The following NT5C2 variants were observed in gnomAD, a reference collection of about 807,000 sequenced individuals.
The protein encoded by NT5C2 is cytosolic purine 5'-nucleotidase.
A neutral mutation model predicts 76.1 loss-of-function variants in NT5C2; 58 were observed. That is an observed-to-expected ratio of 0.76 (90% confidence interval 0.62 to 0.95). NT5C2 has a LOEUF of 0.95. Ranked by LOEUF, NT5C2 falls within the 40% of genes least tolerant of loss-of-function variation. The pLI, the probability that NT5C2 is intolerant of heterozygous loss-of-function variation, is 0.00. For missense variants in NT5C2, 478 were observed against 690.3 expected (o/e 0.69, Z 3.45); for synonymous variants, 229 against 237.4 (o/e 0.96, Z 0.32).
chr10:103,183,291 A>ATATATATATATTATATATATATCTATC (rs1554841794), intron 1 of NT5C2, among the ~76,000 whole-genome samples: 1 of 128,146 alleles, frequency 7.8e-6, no homozygotes, highest in Admixed American at 8.6e-5. Context: ...ATATATATAT[A>ATATATATATATTATATATATATCTATC]TATCACACAC....
intron 1 of NT5C2, among the ~76,000 whole-genome samples, chr10:103,185,398 C>A (rs2091883079): frequency 6.6e-6 from 1 of 151,584 alleles, no homozygotes; most frequent in Non-Finnish European, 1.5e-5. Flanking sequence ...ATAATCCCAC[C>A]ACTCTGGGAG....
intron 3 of NT5C2, among the ~76,000 whole-genome samples, chr10:103,158,118 G>A (rs952895502): frequency 6.6e-6 from 1 of 150,472 alleles, no homozygotes; most frequent in Non-Finnish European, 1.5e-5. Context: ...CAAATATGTA[G>A]AAATTAAACA....
In NT5C2 at chr10:103,180,568, C is replaced by T. The variant is rs1002437978; in HGVS notation, c.-25+617G>A. On this transcript the variant is annotated intron_variant, in intron 2 of 18. Coordinates refer to ENST00000404739, the MANE Select transcript of NT5C2 (RefSeq NM_001351169.2). Reference sequence around the variant, plus strand: ...GCAACATGGCAAAATGCAGTCTTTACGAAAATTGAAAAATTAGTTGGGCAT... The same window carrying T: ...GCAACATGGCAAAATGCAGTCTTTATGAAAATTGAAAAATTAGTTGGGCAT... 9.2e-5 allele frequency among the ~76,000 whole-genome samples: 14 copies of T among 151,992 alleles called. No homozygotes were observed. The East Asian group carries it at 2.1e-3, about 23-fold the overall frequency.
At chr10:103,163,842 C>T (rs2085588994) in intron 3 of NT5C2, among the ~76,000 whole-genome samples, 1 of 138,408 alleles carries the variant, frequency 7.2e-6, no homozygotes, top group Non-Finnish European at 1.5e-5. Context: ...CATAGTGAAA[C>T]CGTCTCTACT....
At chr10:103,127,282 C>G (rs2076844430) in intron 4 of NT5C2, among the ~76,000 whole-genome samples, 1 of 152,194 alleles carries the variant, frequency 6.6e-6, no homozygotes, top group South Asian at 2.1e-4. Context: ...AGGTTCAAGA[C>G]AACCAGGCAA....
chr10:103,183,334 C>CTT (rs377139530), intron 1 of NT5C2, among the ~76,000 whole-genome samples: 1 of 88,472 alleles, frequency 1.1e-5, no homozygotes, highest in Admixed American at 1.3e-4. Flanking sequence ...AAATTATTAG[C>CTT]TTTTTTTTTT....
intron 4 of NT5C2, chr10:103,111,769 G>T: frequency 8.1e-7 from 1 of 1,232,084 alleles, no homozygotes. Context: ...GATGCAGTGT[G>T]TGTCACTCCA....
At chr10:103,099,059 T>TTA in intron 9 of NT5C2, 75 bp from the exon 10 acceptor site, 1 of 1,171,282 alleles carries the variant, frequency 8.5e-7, no homozygotes, top group African/African-American at 1.5e-5. Flanking sequence ...AGAAAAATGG[T>TTA]TTTTACTAAT....
rs776922374 is a variant in NT5C2 at position 103,105,378 on chromosome 10, A to C, written c.389+328T>G. On this transcript the variant is annotated intron_variant, in intron 6 of 18. Coordinates refer to ENST00000404739, the MANE Select transcript of NT5C2 (RefSeq NM_001351169.2). ...CATACCTCTTCTGAACAGCTACCTG[A>C]GAACTGTATTAGAAAGAAGAAAATA... is the stretch of plus-strand genomic sequence containing the variant. 17 of 967,346 alleles carry C rather than the reference A, an allele frequency of 1.8e-5. No individual in the cohort carries two copies. Among genetic ancestry groups the C allele is most frequent in the Non-Finnish European group, 2.2e-5 (16 of 729,956 alleles). 59.9% of individuals were successfully genotyped at this position (967,346 alleles called of 1,614,324 possible).
chr10:103,111,659 G>A lies in NT5C2; in HGVS notation c.176-4953C>T, dbSNP rs1472599946. The A allele has an allele frequency of 1.0e-5, 9 of 890,330 alleles. No individual in the cohort carries two copies. In the Admixed American group the frequency reaches 1.3e-4, roughly 13 times the overall value. 55.2% of individuals were successfully genotyped at this position (890,330 alleles called of 1,614,324 possible). A position where few individuals can be genotyped will look rare whatever the true frequency, so the allele number is the denominator to read the frequency against. On this transcript the variant is annotated intron_variant, in intron 4 of 18. Transcript: ENST00000404739. ...CATTGCCACCAAGACACACTATGTA[G>A]TAATTTATAGATTTAGAAAAATAAA...
At chr10:103,121,968 G>A (rs2135717631) in intron 4 of NT5C2, among the ~76,000 whole-genome samples, 1 of 152,284 alleles carries the variant, frequency 6.6e-6, no homozygotes, top group Admixed American at 6.5e-5. Context: ...GAGGTCAGTA[G>A]TTCAAGACCA....
At chr10:103,113,779 C>A (rs2073648767) in intron 4 of NT5C2, among the ~76,000 whole-genome samples, 2 of 152,144 alleles carry the variant, frequency 1.3e-5, no homozygotes, top group Admixed American at 6.6e-5. Flanking sequence ...CCAATCAATC[C>A]AGCCCAGGAA....
intron 1 of NT5C2, among the ~76,000 whole-genome samples, chr10:103,182,562 G>A (rs1240811819): frequency 2.0e-5 from 3 of 151,694 alleles, no homozygotes; most frequent in Non-Finnish European, 4.4e-5. Context: ...TTGAACCCAG[G>A]AGGCAGAGCT....
intron 4 of NT5C2, among the ~76,000 whole-genome samples, chr10:103,127,969 C>G (rs1269836583): frequency 6.6e-6 from 1 of 151,978 alleles, no homozygotes. Context: ...GCTGGGATTA[C>G]AGGAGTGAAC....
intron 3 of NT5C2, among the ~76,000 whole-genome samples, chr10:103,159,558 AG>A (rs1273974177): frequency 3.3e-5 from 5 of 151,936 alleles, no homozygotes; most frequent in African/African-American, 1.2e-4. Context: ...CTGAGGTGGG[AG>A]AATCACGTGA....
chr10:103,182,738 A>G (rs1037421670), intron 1 of NT5C2, among the ~76,000 whole-genome samples: 2 of 152,204 alleles, frequency 1.3e-5, no homozygotes, highest in African/African-American at 2.4e-5. Context: ...ATAATTTTGA[A>G]TAATTTCTTC....
chr10:103,176,977 C>T (rs552639656), intron 2 of NT5C2, among the ~76,000 whole-genome samples: 1 of 152,024 alleles, frequency 6.6e-6, no homozygotes, highest in African/African-American at 2.4e-5. Flanking sequence ...CTTTTAATGG[C>T]CAAACCTCAG....
chr10:103,089,772 C>CTAATTGACCG lies in NT5C2; in HGVS notation c.1576_1585dup (p.Ser529ThrfsTer4), dbSNP rs1308335620. The CTAATTGACCG allele has an allele frequency of 6.2e-7, 1 of 1,614,012 alleles. No homozygotes were observed. The highest frequency in any genetic ancestry group is 8.5e-7 in the Non-Finnish European group (1 of 1,179,996). On this transcript the variant is annotated stop_gained and frameshift_variant, in exon 19 of 19. Transcript: ENST00000404739. LOFTEE classifies it high-confidence loss of function. ...GAAGAGGTTGGGAGGTTTAATCTCA[C>CTAATTGACCG]TAATTGACCGTGTCAGCTGGTGCCG...
chr10:103,161,963 T>C (rs966785890), intron 3 of NT5C2, among the ~76,000 whole-genome samples: 26 of 152,192 alleles, frequency 1.7e-4, no homozygotes, highest in African/African-American at 6.3e-4. Context: ...TTTGTAAATA[T>C]ACTAAAAGCC....
Sources: allele counts gnomAD v4.1 joint callset (sites outside exome capture counted in the v4.1 genomes callset), GRCh38; gene constraint gnomAD v4.1.1; transcripts MANE v1.5; gene names NCBI Gene and HGNC (gene_info 2026-07-23, HGNC 2026-07-21).